Variants in PI16 observed in about 807,000 individuals in gnomAD.
The protein encoded by PI16 is peptidase inhibitor 16.
PI16 carries 35 observed loss-of-function variants against 38.0 expected under a neutral mutation model. The observed-to-expected ratio is 0.92, with a 90% CI of 0.70 to 1.22. The LOEUF (loss-of-function observed/expected upper bound fraction) is 1.22. Ranked by LOEUF, PI16 falls within the 50% of genes most tolerant of loss-of-function variation. The probability of loss-of-function intolerance (pLI) is 0.00; values close to 1 mark genes in which losing one functional copy is unlikely to be tolerated. For missense variants in PI16, 572 were observed against 593.8 expected (o/e 0.96, Z 0.38); for synonymous variants, 275 against 252.9 (o/e 1.09, Z -0.83).
At chr6:36,957,904 A>T (rs370470975) in intron 1 of PI16, among the ~76,000 whole-genome samples, 4 of 152,284 alleles carry the variant, frequency 2.6e-5, no homozygotes, top group African/African-American at 9.6e-5. Flanking sequence ...GATCTCAGAC[A>T]CCCTGACCCT....
At chr6:36,949,807 A>G (rs975632215), upstream of PI16, among the ~76,000 whole-genome samples, 2 of 151,808 alleles carry the variant, frequency 1.3e-5, no homozygotes, top group African/African-American at 4.8e-5. Context: ...AAATTCTCCT[A>G]TTGTGATGTA....
rs969224880 is a variant in PI16, at chr6:36,962,765, G to T, written c.593-170G>T. Reference sequence around the variant, plus strand: ...TGGGATTACAGACGTGAGCCACCGCGCCCGGCTTGTAACTTTTATTTTCAA... The same window carrying T: ...TGGGATTACAGACGTGAGCCACCGCTCCCGGCTTGTAACTTTTATTTTCAA... On this transcript the variant is annotated intron_variant, in intron 4 of 6. Coordinates refer to ENST00000373674, the MANE Select transcript of PI16 (RefSeq NM_153370.3). This position sits in a 1 kb window ranked among gnomAD's most constrained non-coding sequence, Gnocchi z 4.1. Among the ~76,000 whole-genome samples, 1 of 152,156 alleles carries T rather than the reference G, an allele frequency of 6.6e-6. No homozygotes were observed. Among genetic ancestry groups the T allele is most frequent in the African/African-American group, 2.4e-5 (1 of 41,422 alleles).
upstream of PI16, among the ~76,000 whole-genome samples, chr6:36,951,379 A>G (rs1296597002): frequency 6.6e-6 from 1 of 151,890 alleles, no homozygotes; most frequent in Admixed American, 6.6e-5. Flanking sequence ...CCTTCCTAGT[A>G]GCTGGGACTA....
At chr6:36,952,449 G>A (rs1050492034), upstream of PI16, among the ~76,000 whole-genome samples, 3 of 152,088 alleles carry the variant, frequency 2.0e-5, no homozygotes, top group Non-Finnish European at 4.4e-5. Flanking sequence ...TTTATGTTTA[G>A]GTATTTAATC....
upstream of PI16, among the ~76,000 whole-genome samples, chr6:36,952,570 GTTGAACGGT>G (rs1763117752): frequency 6.6e-6 from 1 of 151,986 alleles, no homozygotes; most frequent in Admixed American, 6.6e-5. Context: ...CCTTTCCCTC[GTTGAACGGT>G]CTTGGTACCC....
At chr6:36,964,193 A>C (rs1468169228) in intron 6 of PI16, among the ~76,000 whole-genome samples, 193 bp from the exon 7 acceptor site, 1 of 152,166 alleles carries the variant, frequency 6.6e-6, no homozygotes, top group Non-Finnish European at 1.5e-5. Flanking sequence ...CCCATCCTTC[A>C]GCTGGCTGCA....
chr6:36,958,229 T>C (rs2150736018), intron 1 of PI16, among the ~76,000 whole-genome samples: 1 of 152,334 alleles, frequency 6.6e-6, no homozygotes. Context: ...GAGCAAGAGC[T>C]GCCGCCAGGC....
chr6:36,962,929 TATCAGAACCC>T lies in PI16; in HGVS notation c.593-2_600del, dbSNP rs777898607. The stretch of plus-strand genomic sequence containing the variant: ...CACTCATGCCCGTTCTCGTCTGTCT[TATCAGAACCC>T]ATCGGAAGCCCGGAAGATGCTCAGG... On this transcript the variant is annotated splice_acceptor_variant and splice_polypyrimidine_tract_variant and coding_sequence_variant and intron_variant, in exon 5 of 7. Coordinates refer to ENST00000373674, the MANE Select transcript of PI16 (RefSeq NM_153370.3). LOFTEE classifies it high-confidence loss of function. The surrounding 1 kb of genome is among the most constrained non-coding windows in gnomAD (Gnocchi z 4.1). The T allele has an allele frequency of 1.9e-6, 3 of 1,609,476 alleles. No homozygotes were observed. The South Asian group carries it at 3.3e-5, about 18-fold the overall frequency.
At position 36,962,698 on chromosome 6, in the gene PI16, C is replaced by G. The variant is rs1763403840; in HGVS notation, c.593-237C>G. Reference sequence around the variant, plus strand: ...ATGTTGGTCAGGTTGGTCTCGAACTCCTGACCTCAGGTGATCCACCTGCCT... The same window carrying G: ...ATGTTGGTCAGGTTGGTCTCGAACTGCTGACCTCAGGTGATCCACCTGCCT... On this transcript the variant is annotated intron_variant, in intron 4 of 6. Coordinates refer to ENST00000373674, the MANE Select transcript of PI16 (RefSeq NM_153370.3). The surrounding 1 kb of genome is among the most constrained non-coding windows in gnomAD (Gnocchi z 4.1). 6.6e-6 allele frequency among the ~76,000 whole-genome samples: 1 copy of G among 152,176 alleles called. No homozygotes were observed. Among genetic ancestry groups the G allele is most frequent in the Admixed American group, 6.5e-5 (1 of 15,276 alleles).
upstream of PI16, chr6:36,954,463 G>A (rs1257991364): frequency 9.0e-6 from 3 of 334,042 alleles, no homozygotes; most frequent in African/African-American, 6.4e-5. Flanking sequence ...GCTCTGCAGA[G>A]GTTACTGTGA....
chr6:36,961,401 C>T (rs377224298), intron 2 of PI16, 50 bp from the exon 3 acceptor site: 1 of 1,518,514 alleles, frequency 6.6e-7, no homozygotes, highest in African/African-American at 1.4e-5. Flanking sequence ...GCCAGGAAGG[C>T]ACCATGCCAC....
In PI16 at chr6:36,961,463, A is replaced by C. The variant is rs1763363347; in HGVS notation, c.406A>C (p.Lys136Gln). 5 of 1,614,214 alleles carry C rather than the reference A, an allele frequency of 3.1e-6. No individual in the cohort carries two copies. Among genetic ancestry groups the C allele is most frequent in the Non-Finnish European group, 4.2e-6 (5 of 1,180,020 alleles). Residue 136 changes from lysine (K) to glutamine (Q), a missense_variant, in exon 3 of 7, where the codon AAG (lysine) becomes CAG (glutamine). By Grantham distance (53) the Lys-to-Gln change is moderately conservative. Transcript: ENST00000373674. Reference sequence around the variant, plus strand: ...TGCCCTTCATCAGGTGGTATGGGCCAAGACAGAGAGGATCGGCTGTGGTTC... The same window carrying C: ...TGCCCTTCATCAGGTGGTATGGGCCCAGACAGAGAGGATCGGCTGTGGTTC... ...CGHYTQVVWA[K>Q]TERIGCGSHF...
chr6:36,953,678 C>T (rs4147296), upstream of PI16, among the ~76,000 whole-genome samples: 85 of 152,234 alleles, frequency 5.6e-4, 1 homozygote, highest in East Asian at 0.012. Flanking sequence ...TCAAGGATCC[C>T]AGCTGTCCTC....
Position 36,959,310 on chromosome 6 carries a change from T to C in PI16, c.337T>C (p.Tyr113His). 1 of 1,585,590 alleles carries C rather than the reference T, an allele frequency of 6.3e-7. No individual in the cohort carries two copies. The highest frequency in any genetic ancestry group is 1.1e-5 in the South Asian group (1 of 87,074). ...GGAGTGGCACCACGAGCGTGAGCAC[T>C]ACAACCTCAGCGCCGCCACCTGCAG... ...MEEWHHEREH[Y>H]NLSAATCSPG... The change falls in exon 2 of 7, where the codon TAC becomes CAC. Residue 113 changes from tyrosine (Y) to histidine (H), a missense_variant. Coordinates refer to ENST00000373674, the MANE Select transcript of PI16 (RefSeq NM_153370.3).
At chr6:36,958,032 C>G (rs1415004862) in intron 1 of PI16, among the ~76,000 whole-genome samples, 1 of 152,246 alleles carries the variant, frequency 6.6e-6, no homozygotes, top group African/African-American at 2.4e-5. Context: ...GATACTCACC[C>G]AAGGTCACAG....
At position 36,963,949 on chromosome 6, in the gene PI16, G is replaced by C. The variant is rs1407808053; in HGVS notation, c.*5G>C. 1 of 1,609,978 alleles carries C rather than the reference G, an allele frequency of 6.2e-7. No individual in the cohort carries two copies. The highest frequency in any genetic ancestry group is 1.7e-5 in the Admixed American group (1 of 59,206). ...GTGTTGGCTGGAATCTTCTGAAGGG[G>C]ATACCACTCAAAGGCAAGGCCTGGT... On this transcript the variant is annotated 3_prime_UTR_variant, in exon 6 of 7. Transcript: ENST00000373674.
intron 2 of PI16, among the ~76,000 whole-genome samples, chr6:36,960,820 G>A (rs2150738267): frequency 6.6e-6 from 1 of 152,230 alleles, no homozygotes; most frequent in South Asian, 2.1e-4. Context: ...GCTGATTTCA[G>A]CAGAGATTCC....
upstream of PI16, among the ~76,000 whole-genome samples, chr6:36,953,621 C>CTG (rs1370393648): frequency 6.6e-6 from 1 of 152,012 alleles, no homozygotes; most frequent in Non-Finnish European, 1.5e-5. Context: ...CTTCCAAAGC[C>CTG]TGTGGGTAGA....
At chr6:36,952,498 A>G (rs530297397), upstream of PI16, among the ~76,000 whole-genome samples, 3 of 152,318 alleles carry the variant, frequency 2.0e-5, no homozygotes, top group South Asian at 6.2e-4. Context: ...TACGGTAAAG[A>G]TTCAACTTCA....
Sources: allele counts gnomAD v4.1 joint callset (sites outside exome capture counted in the v4.1 genomes callset), GRCh38; gene constraint gnomAD v4.1.1; non-coding constraint Gnocchi (gnomAD v3.1); transcripts MANE v1.5; gene names NCBI Gene and HGNC (gene_info 2026-07-23, HGNC 2026-07-21).